Variants in METTL13 observed in about 807,000 individuals in gnomAD.
METTL13 encodes the protein methyltransferase 13, eEF1A N-terminus and K55.
METTL13 carries 52 observed loss-of-function variants against 67.4 expected under a neutral mutation model. That is an observed-to-expected ratio of 0.77 (90% CI 0.62 to 0.97). The LOEUF (loss-of-function observed/expected upper bound fraction) is 0.97. METTL13 is among the 50% of genes least tolerant of loss of function. The pLI is 0.00. For synonymous variants in METTL13, 354 were observed against 353.6 expected, an observed-to-expected ratio of 1.00 and a Z score of -0.01; for missense variants, 825 against 889.6, an observed-to-expected ratio of 0.93 and a Z score of 0.92.
chr1:171,784,016 G>T lies in METTL13; in HGVS notation c.430G>T (p.Ala144Ser), dbSNP rs548168240. The T allele has an allele frequency of 4.2e-5, 68 of 1,614,260 alleles. No individual in the cohort carries two copies. Among genetic ancestry groups the T allele is most frequent in the African/African-American group, 8.0e-5 (6 of 75,072 alleles). The change falls in exon 2 of 8, where the codon GCT (alanine) becomes TCT (serine). Residue 144 changes from alanine (A) to serine (S), a missense_variant. Ala to Ser is a moderately conservative substitution (Grantham distance 99). Transcript: ENST00000361735. The stretch of plus-strand genomic sequence containing the variant: ...CTTACAACAGGTGGACAGGATGCTG[G>T]CTGAGGTTGGCCGTGTCCTGCAGGT... ...KTLQQVDRML[A>S]EVGRVLQVGG...
intron 5 of METTL13, chr1:171,790,875 A>G (rs1463055090): frequency 3.2e-6 from 1 of 311,242 alleles, no homozygotes; most frequent in Non-Finnish European, 5.8e-6. Flanking sequence ...AAATTAAGGT[A>G]TATCATGTAT....
At chr1:171,788,002 C>G in intron 4 of METTL13, 72 bp downstream of exon 4, 1 of 1,502,414 alleles carries the variant, frequency 6.7e-7, no homozygotes, top group Non-Finnish European at 9.1e-7. Context: ...GGAGCTTGGC[C>G]GAGATGTAGG....
intron 2 of METTL13, among the ~76,000 whole-genome samples, 199 bp downstream of exon 2, chr1:171,784,698 A>C (rs925795114): frequency 6.6e-6 from 1 of 152,172 alleles, no homozygotes; most frequent in Non-Finnish European, 1.5e-5. Context: ...CTAGCAACCT[A>C]CTTGGAGTTG....
intron 5 of METTL13, among the ~76,000 whole-genome samples, chr1:171,791,670 C>T (rs1238341967): frequency 6.6e-6 from 1 of 152,076 alleles, no homozygotes; most frequent in Non-Finnish European, 1.5e-5. Flanking sequence ...TGCCATGTTG[C>T]CCAGGCTGGT....
chr1:171,788,448 G>T (rs1657098203), intron 4 of METTL13, among the ~76,000 whole-genome samples: 1 of 152,206 alleles, frequency 6.6e-6, no homozygotes, highest in East Asian at 1.9e-4. Context: ...TTTGGAATGT[G>T]GCTAGTGTAA....
At chr1:171,787,375 C>T (rs12730717) in intron 3 of METTL13, among the ~76,000 whole-genome samples, 28,015 of 151,330 alleles carry the variant, frequency 0.19, 2,698 homozygotes, top group African/African-American at 0.2. Flanking sequence ...GATTCCTTCT[C>T]ATAATCACAG....
intron 1 of METTL13, 130 bp downstream of exon 1, chr1:171,782,250 C>A: frequency 1.3e-6 from 1 of 798,444 alleles, no homozygotes; most frequent in Non-Finnish European, 2.0e-6. Flanking sequence ...GCATTTCCTG[C>A]ATTGTTCCTG....
At position 171,784,061 on chromosome 1, in the gene METTL13, A is replaced by G. The variant is rs1489977787; in HGVS notation, c.475A>G (p.Ile159Val). The stretch of plus-strand genomic sequence containing the variant: ...GCAGGTGGGCGGTCGCTATCTCTGC[A>G]TCTCCCTGGCTCAGGCTCACATCCT... ...VLQVGGRYLC[I>V]SLAQAHILKK... Residue 159 changes from isoleucine (I) to valine (V), a missense_variant, in exon 2 of 8, where the codon ATC becomes GTC. By Grantham distance (29) the Ile-to-Val change is conservative (BLOSUM62 3). Transcript: ENST00000361735. 1 of 1,614,146 alleles carries G rather than the reference A, an allele frequency of 6.2e-7. No homozygotes were observed.
intron 7 of METTL13, 42 bp from the exon 8 acceptor site, chr1:171,796,440 T>C (rs758375370): frequency 2.5e-6 from 4 of 1,606,684 alleles, no homozygotes; most frequent in Non-Finnish European, 1.7e-6. Flanking sequence ...TTCATATGTC[T>C]CCTGATGTGA....
intron 4 of METTL13, among the ~76,000 whole-genome samples, chr1:171,788,336 C>T (rs1166266639): frequency 6.6e-6 from 1 of 152,104 alleles, no homozygotes; most frequent in African/African-American, 2.4e-5. Context: ...ACTTAGAGGC[C>T]TTCTAGTATA....
intron 7 of METTL13, among the ~76,000 whole-genome samples, chr1:171,795,577 A>G (rs1043082548): frequency 2.6e-5 from 4 of 152,214 alleles, no homozygotes; most frequent in Non-Finnish European, 4.4e-5. Flanking sequence ...TTGGATGAGG[A>G]AACTGAGGTT....
chr1:171,792,124 T>C lies in METTL13; in HGVS notation c.1582T>C (p.Ser528Pro), dbSNP rs375223887. ...CATTGATGCTGTGGAGATCGATCCCTCCATGTTGGAAGTGGCCACCCAGTG... is the reference window on the plus strand; with the variant it reads ...CATTGATGCTGTGGAGATCGATCCCCCCATGTTGGAAGTGGCCACCCAGTG... ...SCIDAVEIDP[S>P]MLEVATQWFG... The change falls in exon 6 of 8, where the codon TCC becomes CCC. Residue 528 changes from serine (S) to proline (P), a missense_variant. Coordinates refer to ENST00000361735, the MANE Select transcript of METTL13 (RefSeq NM_015935.5). 6.8e-6 allele frequency: 11 copies of C among 1,613,990 alleles called. No homozygotes were observed. Among genetic ancestry groups the C allele is most frequent in the Non-Finnish European group, 7.6e-6 (9 of 1,180,042 alleles).
In METTL13 at chr1:171,794,523, T is replaced by A. The variant is rs1362936799; in HGVS notation, c.1821T>A (p.Pro607=). Reference sequence around the variant, plus strand: ...AGAAGGTTAAAAGCATCTTGACTCCTGAAGGTATGGAGAACAAAAGGTGGG... The same window carrying A: ...AGAAGGTTAAAAGCATCTTGACTCCAGAAGGTATGGAGAACAAAAGGTGGG... ...FLQKVKSILT[P]EGVFILNLVC... is the part of the protein sequence containing the mutation. Residue 607 remains proline (P), a synonymous_variant, in exon 7 of 8, where the codon CCT becomes CCA. Coordinates refer to ENST00000361735, the MANE Select transcript of METTL13 (RefSeq NM_015935.5). The A allele has an allele frequency of 1.2e-6, 2 of 1,614,174 alleles. No homozygotes were observed. Among genetic ancestry groups the A allele is most frequent in the Admixed American group, 3.3e-5 (2 of 60,020 alleles).
chr1:171,782,621 T>A (rs1208660396), intron 1 of METTL13, among the ~76,000 whole-genome samples: 1 of 152,006 alleles, frequency 6.6e-6, no homozygotes, highest in Non-Finnish European at 1.5e-5. Flanking sequence ...CCACCCCAGC[T>A]CATTCTTGGA....
rs776767189 is a variant in METTL13, at chr1:171,783,800, C to G, written c.214C>G (p.Arg72Gly). ...LSEQLYDVGY[R>G]DIVNIDISEV... ...TGAGCAACTGTATGATGTGGGCTAT[C>G]GGGATATAGTGAACATCGACATCAG... Residue 72 changes from arginine (R) to glycine (G), a missense_variant, in exon 2 of 8, where the codon CGG (arginine) becomes GGG (glycine). By Grantham distance (125) the Arg-to-Gly change is moderately radical. Transcript: ENST00000361735. 6.2e-6 allele frequency: 10 copies of G among 1,614,004 alleles called. No homozygotes were observed. The highest frequency in any genetic ancestry group is 2.2e-5 in the South Asian group (2 of 91,058).
Position 171,787,943 on chromosome 1 carries a change from A to G in METTL13, c.1309+13A>G, listed in dbSNP as rs1416700614. 1.9e-6 allele frequency: 3 copies of G among 1,612,288 alleles called. No individual in the cohort carries two copies. The highest frequency in any genetic ancestry group is 2.5e-6 in the Non-Finnish European group (3 of 1,179,528). ...GTGTCTCACAAAGGTGAGGTGTCATAGGCACAGTGGTGGGACCCAAGTGGC... is the reference window on the plus strand; with the variant it reads ...GTGTCTCACAAAGGTGAGGTGTCATGGGCACAGTGGTGGGACCCAAGTGGC... On this transcript the variant is annotated intron_variant, in intron 4 of 7. Coordinates refer to ENST00000361735, the MANE Select transcript of METTL13 (RefSeq NM_015935.5).
chr1:171,787,712 C>A, intron 3 of METTL13, 23 bp from the exon 4 acceptor site: 1 of 1,599,692 alleles, frequency 6.3e-7, no homozygotes, highest in South Asian at 1.1e-5. Context: ...CTGTTTTGAC[C>A]ACATCTCTGG....
At position 171,792,728 on chromosome 1, in the gene METTL13, G is replaced by A. The variant is rs115590761; in HGVS notation, c.1693+493G>A. Among the ~76,000 whole-genome samples, 453 of 152,328 alleles carry A rather than the reference G, an allele frequency of 3.0e-3. 2 individuals are homozygous for A. Among genetic ancestry groups the A allele is most frequent in the African/African-American group, 0.01 (423 of 41,568 alleles). ...CAATTTTTCATTGTCACAAATCGGG[G>A]TGGGGGATGTTGCTACTGACATCTA... is the stretch of plus-strand genomic sequence containing the variant. On this transcript the variant is annotated intron_variant, in intron 6 of 7. Transcript: ENST00000361735.
intron 5 of METTL13, 87 bp from the exon 6 acceptor site, chr1:171,791,930 C>T: frequency 1.5e-6 from 2 of 1,370,866 alleles, no homozygotes; most frequent in Non-Finnish European, 1.0e-6. Flanking sequence ...AGACAGTGAG[C>T]TGACTTTCCC....
Sources: gnomAD v4.1 joint callset for allele counts (sites outside exome capture counted in the v4.1 genomes callset) on GRCh38, gnomAD v4.1.1 for gene constraint, MANE v1.5 for transcripts, NCBI Gene and HGNC (gene_info 2026-07-23, HGNC 2026-07-21) for gene names.